Variants in TRIM3 observed in about 807,000 individuals in gnomAD.
TRIM3 encodes tripartite motif-containing protein 3.
TRIM3 carries 13 observed loss-of-function variants against 66.6 expected under a neutral mutation model. The ratio of observed to expected loss-of-function variants is 0.20; its 90% CI spans 0.13 to 0.31. The LOEUF (loss-of-function observed/expected upper bound fraction) is 0.31. Among genes scored for constraint, TRIM3 ranks in the 10% least tolerant of loss-of-function variants. The pLI is 1.00. For missense variants in TRIM3, 711 were observed against 1,020.4 expected (o/e 0.70, Z 4.13); for synonymous variants, 406 against 411.7 (o/e 0.99, Z 0.17).
Position 6,451,349 on chromosome 11 carries a change from C to T in TRIM3, c.1623G>A (p.Val541=), listed in dbSNP as rs1051803008. ...GQLQRPTGVA[V]DTNGDIIVAD... ...CCACAATTATGTCTCCATTGGTGTC[C>T]ACTGCCACACCTGTGGGGCGCTGCA... The change falls in exon 8 of 12, where the codon GTG becomes GTA. Residue 541 remains valine (V), a synonymous_variant. Coordinates refer to ENST00000345851, the MANE Select transcript of TRIM3 (RefSeq NM_033278.4). 3 of 1,614,210 alleles carry T rather than the reference C, an allele frequency of 1.9e-6. No homozygotes were observed. In the South Asian group the frequency reaches 3.3e-5, roughly 18 times the overall value.
At chr11:6,455,662 T>C (rs1453801599) in intron 7 of TRIM3, among the ~76,000 whole-genome samples, 1 of 152,044 alleles carries the variant, frequency 6.6e-6, no homozygotes, top group Non-Finnish European at 1.5e-5. Flanking sequence ...CCAGACAGAC[T>C]ACATACATTC....
intron 2 of TRIM3, 95 bp downstream of exon 2, chr11:6,465,470 G>T: frequency 6.6e-7 from 1 of 1,509,074 alleles, no homozygotes; most frequent in Non-Finnish European, 9.1e-7. Context: ...CCTACTACAG[G>T]TTTACACATG....
Position 6,448,669 on chromosome 11 carries a change from G to A in TRIM3, c.*359C>T. On this transcript the variant is annotated 3_prime_UTR_variant, in exon 12 of 12. Transcript: ENST00000345851. ...GTGGGGTATTGCTGTCTCTGTCAGTGTGTATAGGGTGGTAGGGAGACAACT... is the reference window on the plus strand; with the variant it reads ...GTGGGGTATTGCTGTCTCTGTCAGTATGTATAGGGTGGTAGGGAGACAACT... 1.9e-6 allele frequency: 1 copy of A among 528,748 alleles called. No homozygotes were observed. The highest frequency in any genetic ancestry group is 2.8e-5 in the South Asian group (1 of 35,496). The allele number at this position is 528,748 out of a possible 1,614,324, so 32.8% of individuals were successfully genotyped here.
intron 1 of TRIM3, among the ~76,000 whole-genome samples, chr11:6,467,745 G>A (rs945883619): frequency 1.3e-5 from 2 of 152,088 alleles, no homozygotes; most frequent in Non-Finnish European, 2.9e-5. Context: ...AGCCTGGCAT[G>A]AGACAAAGTT....
At position 6,458,428 on chromosome 11, in the gene TRIM3, T is replaced by C. The variant is rs1168204856; in HGVS notation, c.132-132A>G. The stretch of plus-strand genomic sequence containing the variant: ...ACACTTCATTTTAAAACCTCTCTGC[T>C]TGACACATCTCATCTGCCAGCAGGT... On this transcript the variant is annotated intron_variant, in intron 2 of 11. Coordinates refer to ENST00000345851, the MANE Select transcript of TRIM3 (RefSeq NM_033278.4). This position sits in a 1 kb window ranked among gnomAD's most constrained non-coding sequence, Gnocchi z 6.2. 2 of 714,220 alleles carry C rather than the reference T, an allele frequency of 2.8e-6. No homozygotes were observed. The highest frequency in any genetic ancestry group is 4.7e-6 in the Non-Finnish European group (2 of 426,334). The allele number at this position is 714,220 out of a possible 1,614,324, so 44.2% of individuals were successfully genotyped here. A position where few individuals can be genotyped will look rare whatever the true frequency, so the allele number is the denominator to read the frequency against.
chr11:6,456,998 T>C lies in TRIM3; in HGVS notation c.728A>G (p.Gln243Arg), dbSNP rs1439232661. The C allele has an allele frequency of 7.5e-6, 12 of 1,596,810 alleles. No individual in the cohort carries two copies. Among genetic ancestry groups the C allele is most frequent in the Admixed American group, 1.7e-5 (1 of 59,850 alleles). Residue 243 changes from glutamine (Q) to arginine (R), a missense_variant, in exon 6 of 12, where the codon CAG (glutamine) becomes CGG (arginine). Around this residue, in one of 3 missense-constraint regions of TRIM3, gnomAD observed 399 missense variants for 458.1 expected, o/e 0.87. Transcript: ENST00000345851. This position sits in a 1 kb window ranked among gnomAD's most constrained non-coding sequence, Gnocchi z 6.4. ...VLQSQLDTLR[Q>R]GQEHIGSSCS... Reference sequence around the variant, plus strand: ...GCTACTGCCGATGTGTTCCTGACCCTGGCGCAGTGTGTCCAGCTGGCTTTG... The same window carrying C: ...GCTACTGCCGATGTGTTCCTGACCCCGGCGCAGTGTGTCCAGCTGGCTTTG...
At position 6,457,003 on chromosome 11, in the gene TRIM3, C is replaced by A. The variant is rs149155205; in HGVS notation, c.723G>T (p.Leu241=). The part of the protein sequence containing the change: ...QKVLQSQLDT[L]RQGQEHIGSS... Reference sequence around the variant, plus strand: ...TGCCGATGTGTTCCTGACCCTGGCGCAGTGTGTCCAGCTGGCTTTGCAACA... The same window carrying A: ...TGCCGATGTGTTCCTGACCCTGGCGAAGTGTGTCCAGCTGGCTTTGCAACA... The change falls in exon 6 of 12, where the codon CTG becomes CTT. Residue 241 remains leucine (L), a synonymous_variant. Transcript: ENST00000345851. The surrounding 1 kb of genome is among the most constrained non-coding windows in gnomAD (Gnocchi z 4.5). 6.0e-5 allele frequency: 96 copies of A among 1,595,328 alleles called. No individual in the cohort carries two copies. The African/African-American group carries it at 1.2e-3, about 20-fold the overall frequency.
rs191787959 is a variant in TRIM3 at position 6,461,280 on chromosome 11, T to C, written c.132-2984A>G. Reference sequence around the variant, plus strand: ...GTGGTTTCTGTCTCATACTCCACACTCCTTAGGGCCAGAAGGTGGGCTTGA... The same window carrying C: ...GTGGTTTCTGTCTCATACTCCACACCCCTTAGGGCCAGAAGGTGGGCTTGA... On this transcript the variant is annotated intron_variant, in intron 2 of 11. Transcript: ENST00000345851. 6.6e-5 allele frequency among the ~76,000 whole-genome samples: 10 copies of C among 151,116 alleles called. No individual in the cohort carries two copies. In the East Asian group the frequency reaches 1.8e-3, roughly 26 times the overall value.
intron 1 of TRIM3, among the ~76,000 whole-genome samples, chr11:6,467,569 C>A (rs1041737956): frequency 1.3e-5 from 2 of 152,116 alleles, no homozygotes; most frequent in African/African-American, 4.8e-5. Context: ...AATTGGAGAT[C>A]AGCCTGGGCA....
rs138883961 is a variant in TRIM3, at chr11:6,462,700, C to T, written c.131+2865G>A. Among the ~76,000 whole-genome samples the T allele has an allele frequency of 7.2e-3, 1,101 of 152,224 alleles. 11 individuals carry two copies. The highest frequency in any genetic ancestry group is 0.012 in the Non-Finnish European group (824 of 68,014). On this transcript the variant is annotated intron_variant, in intron 2 of 11. Transcript: ENST00000345851. ...GTGCTGGGATTACAGGCATGAGCAA[C>T]TGCACCTGGCCAGAGATATTTCTTA...
Position 6,457,900 on chromosome 11 carries a change from C to G in TRIM3, c.364-53G>C, listed in dbSNP as rs1281100957. 1 of 1,603,632 alleles carries G rather than the reference C, an allele frequency of 6.2e-7. No individual in the cohort carries two copies. Among genetic ancestry groups the G allele is most frequent in the African/African-American group, 1.3e-5 (1 of 74,810 alleles). Reference sequence around the variant, plus strand: ...ATGGCTAGACATCACACTTCTTTGTCCCCTCCCCACCTGCCCTCCCTGCCC... The same window carrying G: ...ATGGCTAGACATCACACTTCTTTGTGCCCTCCCCACCTGCCCTCCCTGCCC... On this transcript the variant is annotated intron_variant, in intron 3 of 11. Transcript: ENST00000345851. The surrounding 1 kb of genome is among the most constrained non-coding windows in gnomAD (Gnocchi z 4.5).
rs535276380 is a variant in TRIM3 at position 6,469,540 on chromosome 11, T to C, written c.-37-3808A>G. 3.9e-5 allele frequency among the ~76,000 whole-genome samples: 6 copies of C among 152,296 alleles called. 1 individual carries two copies. The South Asian group carries it at 1.2e-3, about 32-fold the overall frequency. On this transcript the variant is annotated intron_variant, in intron 1 of 11. Transcript: ENST00000345851. ...AAGGCCTTGGTCTCAGAGCCAGACT[T>C]TACTCTCCTTTCTCATACTGCCTTC... is the stretch of plus-strand genomic sequence containing the variant.
In TRIM3 at chr11:6,456,675, C is replaced by G. The variant is rs1589828523; in HGVS notation, c.1051G>C (p.Asp351His). The G allele has an allele frequency of 3.7e-6, 6 of 1,606,424 alleles. No homozygotes were observed. Among genetic ancestry groups the G allele is most frequent in the Non-Finnish European group, 5.1e-6 (6 of 1,176,004 alleles). ...ASLTVTTKDK[D>H]GRLVRTGSAE... The stretch of plus-strand genomic sequence containing the variant: ...CTGCCTGTGCGCACCAACCGCCCGT[C>G]CTTGTCTTTGGTAGTGACAGTGAGC... Residue 351 changes from aspartate (D) to histidine (H), a missense_variant, in exon 6 of 12, where the codon GAC (aspartate) becomes CAC (histidine). Asp to His is a moderately conservative substitution (Grantham distance 81). This residue lies in a region of TRIM3 where 399 missense variants were observed against 458.1 expected (regional missense o/e 0.87). Transcript: ENST00000345851. The surrounding 1 kb of genome is among the most constrained non-coding windows in gnomAD (Gnocchi z 6.4).
Position 6,470,343 on chromosome 11 carries a change from G to C in TRIM3, c.-38+3448C>G, listed in dbSNP as rs1048695445. 2.6e-5 allele frequency among the ~76,000 whole-genome samples: 4 copies of C among 152,208 alleles called. No individual in the cohort carries two copies. The South Asian group carries it at 8.3e-4, about 31-fold the overall frequency. Reference sequence around the variant, plus strand: ...AGATGATTCTTTGGAAACTCTCAAAGAAGAGCAGTTTGGATGAGAGGGTGA... The same window carrying C: ...AGATGATTCTTTGGAAACTCTCAAACAAGAGCAGTTTGGATGAGAGGGTGA... On this transcript the variant is annotated intron_variant, in intron 1 of 11. Coordinates refer to ENST00000345851, the MANE Select transcript of TRIM3 (RefSeq NM_033278.4).
rs746417812 is a variant in TRIM3, at chr11:6,456,685, G to T, written c.1041C>A (p.Thr347=). The change falls in exon 6 of 12, where the codon ACC becomes ACA. Residue 347 remains threonine, a synonymous_variant. Transcript: ENST00000345851. This position sits in a 1 kb window ranked among gnomAD's most constrained non-coding sequence, Gnocchi z 6.4. ...VGQPASLTVT[T]KDKDGRLVRT... ...GCACCAACCGCCCGTCCTTGTCTTT[G>T]GTAGTGACAGTGAGCGAGGCAGGCT... The T allele has an allele frequency of 1.9e-6, 3 of 1,606,188 alleles. No individual in the cohort carries two copies. The Admixed American group carries it at 5.0e-5, about 27-fold the overall frequency.
At chr11:6,462,979 G>C (rs71490196) in intron 2 of TRIM3, among the ~76,000 whole-genome samples, 6,368 of 152,222 alleles carry the variant, frequency 0.042, 157 homozygotes, top group Middle Eastern at 0.14. Flanking sequence ...GGCTGAGGCG[G>C]GCAGATCACA....
At position 6,457,117 on chromosome 11, in the gene TRIM3, A is replaced by C; in HGVS notation, c.697-88T>G. ...TGAAGTTGTAGCACTGTGGCATAAA[A>C]TACAAGAGGGTGCCTGTGGACAGAG... On this transcript the variant is annotated intron_variant, in intron 5 of 11. Transcript: ENST00000345851. The surrounding 1 kb of genome is among the most constrained non-coding windows in gnomAD (Gnocchi z 4.5). The C allele has an allele frequency of 6.5e-7, 1 of 1,533,308 alleles. No homozygotes were observed. Among genetic ancestry groups the C allele is most frequent in the Non-Finnish European group, 8.8e-7 (1 of 1,140,612 alleles). 95.0% of individuals were successfully genotyped at this position (1,533,308 alleles called of 1,614,324 possible). A position where few individuals can be genotyped will look rare whatever the true frequency, so the allele number is the denominator to read the frequency against.
rs1220926846 is a variant in TRIM3, at chr11:6,450,010, C to T, written c.1941+541G>A. ...TAGCTCTTGGGAGGAGAGCAAGCCC[C>T]TTAAGGGGGCACACAAGCCTCACTC... On this transcript the variant is annotated intron_variant, in intron 10 of 11. Coordinates refer to ENST00000345851, the MANE Select transcript of TRIM3 (RefSeq NM_033278.4). This position sits in a 1 kb window ranked among gnomAD's most constrained non-coding sequence, Gnocchi z 4.8. 6.3e-6 allele frequency: 1 copy of T among 159,990 alleles called. No homozygotes were observed. Among genetic ancestry groups the T allele is most frequent in the Non-Finnish European group, 1.4e-5 (1 of 72,904 alleles). The allele number at this position is 159,990 out of a possible 1,614,324, so 9.9% of individuals were successfully genotyped here.
intron 2 of TRIM3, among the ~76,000 whole-genome samples, chr11:6,461,715 G>C (rs903402291): frequency 6.6e-6 from 1 of 151,322 alleles, no homozygotes; most frequent in Non-Finnish European, 1.5e-5. Flanking sequence ...TTCTAATTCA[G>C]CAATATCCCC....
Sources: allele counts gnomAD v4.1 joint callset (sites outside exome capture counted in the v4.1 genomes callset), GRCh38; gene constraint gnomAD v4.1.1; regional missense constraint gnomAD v4.1.1; non-coding constraint Gnocchi (gnomAD v3.1); transcripts MANE v1.5; gene names NCBI Gene and HGNC (gene_info 2026-07-23, HGNC 2026-07-21).